Variants in MACROD2 observed in about 807,000 individuals in gnomAD.
MACROD2 encodes mono-ADP ribosylhydrolase 2, also known as ADP-ribose glycohydrolase MACROD2.
Under a neutral mutation model 70.4 loss-of-function variants are expected in MACROD2, and 36 were observed. The ratio of observed to expected loss-of-function variants is 0.51; its 90% confidence interval spans 0.39 to 0.68. MACROD2 has a LOEUF of 0.68. Among genes scored for constraint, MACROD2 ranks in the 30% least tolerant of loss-of-function variants. The probability of loss-of-function intolerance (pLI) is 0.00; values close to 1 mark genes in which losing one functional copy is unlikely to be tolerated. For synonymous variants in MACROD2, 172 were observed against 178.8 expected, an observed-to-expected ratio of 0.96 and a Z score of 0.30; for missense variants, 496 against 538.4, an observed-to-expected ratio of 0.92 and a Z score of 0.78.
At chr20:15,072,683 T>A (rs2075627791) in intron 5 of MACROD2, among the ~76,000 whole-genome samples, 1 of 152,206 alleles carries the variant, frequency 6.6e-6, no homozygotes, top group Non-Finnish European at 1.5e-5. Flanking sequence ...TCCTGCTATA[T>A]AATCTGGAGT....
chr20:15,883,236 T>A (rs886723701), intron 9 of MACROD2, among the ~76,000 whole-genome samples: 12 of 152,036 alleles, frequency 7.9e-5, no homozygotes, highest in African/African-American at 2.9e-4. Context: ...AGACTCTTTT[T>A]TATCTCTCTC....
chr20:15,530,400 A>G (rs1328088293), intron 8 of MACROD2, among the ~76,000 whole-genome samples: 1 of 152,184 alleles, frequency 6.6e-6, no homozygotes, highest in African/African-American at 2.4e-5. Context: ...ATTGAGCAAC[A>G]TAAATAGTGT....
intron 5 of MACROD2, among the ~76,000 whole-genome samples, chr20:14,745,495 G>C (rs2071788634): frequency 6.6e-6 from 1 of 152,306 alleles, no homozygotes; most frequent in African/African-American, 2.4e-5. Context: ...AACATGTTCA[G>C]AGATGGATAT....
chr20:14,411,438 G>T (rs754426492), intron 3 of MACROD2, among the ~76,000 whole-genome samples: 4 of 151,896 alleles, frequency 2.6e-5, no homozygotes, highest in Non-Finnish European at 5.9e-5. Context: ...CATTAACCCC[G>T]AATTTAAACA....
At chr20:15,526,648 G>A (rs1465194780) in intron 8 of MACROD2, among the ~76,000 whole-genome samples, 1 of 152,200 alleles carries the variant, frequency 6.6e-6, no homozygotes, top group Non-Finnish European at 1.5e-5. Context: ...AATTATATAT[G>A]AGATGCAGAA....
At chr20:15,015,118 T>C in intron 5 of MACROD2, among the ~76,000 whole-genome samples, 1 of 152,094 alleles carries the variant, frequency 6.6e-6, no homozygotes, top group East Asian at 1.9e-4. Context: ...TACTATATAC[T>C]TATAACACTA....
intron 8 of MACROD2, among the ~76,000 whole-genome samples, chr20:15,662,905 T>C (rs933527977): frequency 1.3e-5 from 2 of 152,194 alleles, no homozygotes; most frequent in Non-Finnish European, 2.9e-5. Flanking sequence ...CTACTTGTTC[T>C]CTTTTGTTCT....
intron 5 of MACROD2, among the ~76,000 whole-genome samples, chr20:14,688,117 C>A (rs1027714313): frequency 2.6e-5 from 4 of 152,116 alleles, no homozygotes; most frequent in African/African-American, 9.7e-5. Context: ...CTGTTTGGGT[C>A]ATTTTTCCTC....
At chr20:15,906,095 G>A (rs200467814) in intron 10 of MACROD2, among the ~76,000 whole-genome samples, 1 of 152,250 alleles carries the variant, frequency 6.6e-6, no homozygotes, top group East Asian at 1.9e-4. Flanking sequence ...TGAGAGGAAA[G>A]GGGCAGAGGG....
At chr20:15,510,869 C>T (rs1045914736) in intron 8 of MACROD2, among the ~76,000 whole-genome samples, 22 of 152,212 alleles carry the variant, frequency 1.4e-4, no homozygotes, top group African/African-American at 5.1e-4. Context: ...TATTTATGAA[C>T]CCCTTCGAAG....
At chr20:14,720,038 T>C (rs1364515931) in intron 5 of MACROD2, among the ~76,000 whole-genome samples, 1 of 152,204 alleles carries the variant, frequency 6.6e-6, no homozygotes, top group Non-Finnish European at 1.5e-5. Flanking sequence ...TGTAGACCAC[T>C]TTCTTGAAAA....
chr20:15,228,500 T>TG (rs1568653216), intron 5 of MACROD2, among the ~76,000 whole-genome samples: 2 of 147,100 alleles, frequency 1.4e-5, no homozygotes, highest in Non-Finnish European at 1.5e-5. Flanking sequence ...TTTTTTTTTT[T>TG]TTTTTTGAGA....
intron 5 of MACROD2, among the ~76,000 whole-genome samples, chr20:15,044,795 T>C (rs948362072): frequency 4.6e-5 from 7 of 152,010 alleles, no homozygotes. Flanking sequence ...GTAAATAGTC[T>C]CTATTAAACA....
intron 4 of MACROD2, among the ~76,000 whole-genome samples, chr20:14,562,456 AC>A (rs1474470294): frequency 1.2e-4 from 18 of 151,968 alleles, no homozygotes; most frequent in African/African-American, 4.3e-4. Flanking sequence ...GGAGTTTTAC[AC>A]AAAAAGAGTA....
At chr20:16,020,511 T>C (rs2066986869) in intron 15 of MACROD2, among the ~76,000 whole-genome samples, 1 of 151,302 alleles carries the variant, frequency 6.6e-6, no homozygotes, top group Non-Finnish European at 1.5e-5. Context: ...GTTTCTTATA[T>C]ATAGTTGCTT....
At chr20:15,166,622 T>C (rs1457171916) in intron 5 of MACROD2, among the ~76,000 whole-genome samples, 1 of 152,004 alleles carries the variant, frequency 6.6e-6, no homozygotes, top group Non-Finnish European at 1.5e-5. Context: ...AAAAAAAAAG[T>C]ATAAAATACA....
At chr20:15,676,580 C>A (rs981697507) in intron 8 of MACROD2, among the ~76,000 whole-genome samples, 1 of 152,118 alleles carries the variant, frequency 6.6e-6, no homozygotes, top group South Asian at 2.1e-4. Flanking sequence ...AAAACCAGAA[C>A]TCTTGTTACA....
chr20:14,978,425 T>C (rs1568909016), intron 5 of MACROD2, among the ~76,000 whole-genome samples: 1 of 149,474 alleles, frequency 6.7e-6, no homozygotes, highest in East Asian at 2.0e-4. Context: ...ATTTACATTG[T>C]TATCAGTAAC....
chr20:14,229,266 T>C (rs1021855927), intron 3 of MACROD2, among the ~76,000 whole-genome samples: 2 of 152,194 alleles, frequency 1.3e-5, no homozygotes, highest in Non-Finnish European at 2.9e-5. Context: ...TGAAAGACAC[T>C]GTTAAGAGAA....
Sources: gnomAD v4.1 joint callset for allele counts (sites outside exome capture counted in the v4.1 genomes callset) on GRCh38, gnomAD v4.1.1 for gene constraint, MANE v1.5 for transcripts, NCBI Gene and HGNC (gene_info 2026-07-23, HGNC 2026-07-21) for gene names.